The following USF3 variants were observed in gnomAD, a reference collection of about 807,000 sequenced individuals.
USF3 encodes upstream transcription factor family member 3.
In USF3, 29 loss-of-function variants were observed where a neutral mutation model predicts 157.5. The observed-to-expected ratio is 0.18, with a 90% CI of 0.14 to 0.25. The LOEUF is 0.25. USF3 is among the 10% of genes least tolerant of loss of function. The pLI is 1.00. For synonymous variants in USF3, 893 were observed against 941.4 expected, an observed-to-expected ratio of 0.95 and a Z score of 0.94; for missense variants, 2,381 against 2,667.6, an observed-to-expected ratio of 0.89 and a Z score of 2.37.
At position 113,655,002 on chromosome 3, in the gene USF3, T is replaced by C. The variant is rs1413635712; in HGVS notation, c.6680A>G (p.Asn2227Ser). ...SASDSSKQSS[N>S]RPAHNISHIL... ...ATGGCTTATGTTATGGGCAGGTCTGTTTGAGGACTGCTTGGAAGAGTCAGA... is the reference window on the plus strand; with the variant it reads ...ATGGCTTATGTTATGGGCAGGTCTGCTTGAGGACTGCTTGGAAGAGTCAGA... Residue 2227 changes from asparagine to serine, a missense_variant, in exon 7 of 7, where the codon AAC becomes AGC. Transcript: ENST00000316407. 6.2e-7 allele frequency: 1 copy of C among 1,614,130 alleles called. No individual in the cohort carries two copies. The highest frequency in any genetic ancestry group is 1.7e-5 in the Admixed American group (1 of 60,026).
In USF3 at chr3:113,655,374, G is replaced by C; in HGVS notation, c.6308C>G (p.Pro2103Arg). The change falls in exon 7 of 7, where the codon CCG becomes CGG. Residue 2103 changes from proline (P) to arginine (R), a missense_variant. Physicochemically the swap from Pro to Arg is moderately radical, Grantham distance 103. Coordinates refer to ENST00000316407, the MANE Select transcript of USF3 (RefSeq NM_001009899.4). ...ATAGAAGGAGGGCAGAGTATTTTGC[G>C]GATCTACCGGGATGAGGGCTGGAGT... is the stretch of plus-strand genomic sequence containing the variant. ...TRTPALIPVD[P>R]QNTLPSFYPP... 2 of 1,614,048 alleles carry C rather than the reference G, an allele frequency of 1.2e-6. No homozygotes were observed. The highest frequency in any genetic ancestry group is 1.7e-6 in the Non-Finnish European group (2 of 1,179,970).
chr3:113,685,039 A>C (rs968922411), intron 1 of USF3, among the ~76,000 whole-genome samples: 1 of 152,344 alleles, frequency 6.6e-6, no homozygotes, highest in African/African-American at 2.4e-5. Flanking sequence ...TGTAATCTTA[A>C]GTCTTTGGTC....
At position 113,658,546 on chromosome 3, in the gene USF3, G is replaced by C. The variant is rs1947412834; in HGVS notation, c.3136C>G (p.His1046Asp). The C allele has an allele frequency of 6.2e-7, 1 of 1,613,898 alleles. No homozygotes were observed. ...ATCAGTAATAGTTCCTGTTTGGGAT[G>C]TAAATTCACACTTGAATCAACTATT... ...PKIVDSSVNL[H>D]PKQELLLMNN... Residue 1046 changes from histidine to aspartate, a missense_variant, in exon 7 of 7, where the codon CAT (histidine) becomes GAT (aspartate). Physicochemically the swap from His to Asp is moderately conservative, Grantham distance 81. This residue lies in a region of USF3 where 1,435 missense variants were observed against 1,550.9 expected (regional missense o/e 0.93). Coordinates refer to ENST00000316407, the MANE Select transcript of USF3 (RefSeq NM_001009899.4).
chr3:113,695,512 T>A (rs898901474), intron 1 of USF3, among the ~76,000 whole-genome samples: 1 of 152,372 alleles, frequency 6.6e-6, no homozygotes, highest in African/African-American at 2.4e-5. Context: ...AAATGTCTTC[T>A]TTGCCTACAC....
In USF3 at chr3:113,660,595, C is replaced by T; in HGVS notation, c.1087G>A (p.Ala363Thr). 1 of 1,614,208 alleles carries T rather than the reference C, an allele frequency of 6.2e-7. No individual in the cohort carries two copies. The highest frequency in any genetic ancestry group is 2.2e-5 in the East Asian group (1 of 44,888). Reference protein sequence around the residue: ...DSSPMSISKSADLTSTATVVA... With the variant: ...DSSPMSISKSTDLTSTATVVA... ...ACTGTAGCTGTACTTGTCAAGTCTG[C>T]ACTCTTACTAATGCTCATTGGAGAA... The change falls in exon 7 of 7, where the codon GCA (alanine) becomes ACA (threonine). Residue 363 changes from alanine (A) to threonine (T), a missense_variant. Around this residue, in one of 6 missense-constraint regions of USF3, gnomAD observed 1,435 missense variants for 1,550.9 expected, o/e 0.93. Coordinates refer to ENST00000316407, the MANE Select transcript of USF3 (RefSeq NM_001009899.4).
At position 113,656,331 on chromosome 3, in the gene USF3, G is replaced by A. The variant is rs370810362; in HGVS notation, c.5351C>T (p.Pro1784Leu). Residue 1784 changes from proline to leucine, a missense_variant, in exon 7 of 7, where the codon CCA (proline) becomes CTA (leucine). Transcript: ENST00000316407. ...AFRISQNTGPPPIDRQKRLSY... is the reference protein window; with the variant it reads ...AFRISQNTGPLPIDRQKRLSY... Reference sequence around the variant, plus strand: ...TAATCTCTTTTGACGGTCAATTGGTGGGGGGCCAGTGTTTTGACTAATTCG... The same window carrying A: ...TAATCTCTTTTGACGGTCAATTGGTAGGGGGCCAGTGTTTTGACTAATTCG... 1 of 1,614,118 alleles carries A rather than the reference G, an allele frequency of 6.2e-7. No individual in the cohort carries two copies. The highest frequency in any genetic ancestry group is 8.5e-7 in the Non-Finnish European group (1 of 1,179,990).
At chr3:113,663,050 A>G (rs1035856890) in intron 6 of USF3, among the ~76,000 whole-genome samples, 2 of 150,036 alleles carry the variant, frequency 1.3e-5, no homozygotes. Flanking sequence ...TGCTTTGGCT[A>G]CTAGATACAT....
At chr3:113,670,527 G>A (rs1707129075) in intron 4 of USF3, among the ~76,000 whole-genome samples, 1 of 152,014 alleles carries the variant, frequency 6.6e-6, no homozygotes, top group South Asian at 2.1e-4. Flanking sequence ...TGAAACCCGG[G>A]AGATGGAGGC....
At chr3:113,671,398 A>G (rs1473475738) in intron 4 of USF3, among the ~76,000 whole-genome samples, 2 of 152,212 alleles carry the variant, frequency 1.3e-5, no homozygotes, top group South Asian at 4.1e-4. Context: ...TCTGGGATCT[A>G]GACTCTCCAC....
At chr3:113,667,246 A>G (rs925840049) in intron 5 of USF3, among the ~76,000 whole-genome samples, 5 of 152,234 alleles carry the variant, frequency 3.3e-5, no homozygotes, top group African/African-American at 1.2e-4. Context: ...GCAGAACCTG[A>G]TAATTCCCAG....
chr3:113,658,305 A>G lies in USF3; in HGVS notation c.3377T>C (p.Phe1126Ser), dbSNP rs777733845. The G allele has an allele frequency of 2.5e-6, 4 of 1,614,066 alleles. No homozygotes were observed. The highest frequency in any genetic ancestry group is 3.4e-6 in the Non-Finnish European group (4 of 1,180,042). The change falls in exon 7 of 7, where the codon TTT (phenylalanine) becomes TCT (serine). Residue 1126 changes from phenylalanine (F) to serine (S), a missense_variant. Transcript: ENST00000316407. ...AGCTACTATATCAGTTTGCTCTACA[A>G]AGGTACAGCTGTCACATGTATTAGT... Reference protein sequence around the residue: ...ATTNTCDSCTFVEQTDIVALA... With the variant: ...ATTNTCDSCTSVEQTDIVALA...
Position 113,654,893 on chromosome 3 carries a change from C to G in USF3, c.*51G>C, listed in dbSNP as rs1947325025. 1 of 1,558,386 alleles carries G rather than the reference C, an allele frequency of 6.4e-7. No homozygotes were observed. The highest frequency in any genetic ancestry group is 2.3e-5 in the East Asian group (1 of 44,376). On this transcript the variant is annotated 3_prime_UTR_variant, in exon 7 of 7. Coordinates refer to ENST00000316407, the MANE Select transcript of USF3 (RefSeq NM_001009899.4). The stretch of plus-strand genomic sequence containing the variant: ...GTACATGTCTGTGCACATGCACGCA[C>G]AAATACATTTGTAATCTCACTCATT...
rs920086002 is a variant in USF3, at chr3:113,653,862, TGAA to T, written c.*1079_*1081del. ...TCATATTCTCATTATAATTCTGTTATGAAGGATAATAATGAAATATACAATGCC... is the reference window on the plus strand; with the variant it reads ...TCATATTCTCATTATAATTCTGTTATGGATAATAATGAAATATACAATGCC... On this transcript the variant is annotated 3_prime_UTR_variant, in exon 7 of 7. Coordinates refer to ENST00000316407, the MANE Select transcript of USF3 (RefSeq NM_001009899.4). The T allele has an allele frequency of 3.9e-5, 6 of 152,134 alleles. No homozygotes were observed. The highest frequency in any genetic ancestry group is 3.9e-4 in the Admixed American group (6 of 15,270). 9.4% of individuals were successfully genotyped at this position (152,134 alleles called of 1,614,324 possible). A position where few individuals can be genotyped will look rare whatever the true frequency, so the allele number is the denominator to read the frequency against.
intron 4 of USF3, among the ~76,000 whole-genome samples, chr3:113,670,902 C>T (rs1707140617): frequency 6.6e-6 from 1 of 151,960 alleles, no homozygotes; most frequent in African/African-American, 2.4e-5. Flanking sequence ...GCACCATGCC[C>T]AACTATTTTT....
intron 1 of USF3, among the ~76,000 whole-genome samples, chr3:113,680,333 G>A (rs908991678): frequency 6.6e-6 from 1 of 151,974 alleles, no homozygotes; most frequent in African/African-American, 2.4e-5. Flanking sequence ...TTGGTAGGTT[G>A]TATGTGTCTA....
rs925663300 is a variant in USF3, at chr3:113,651,428, G to A, written c.*3516C>T. On this transcript the variant is annotated 3_prime_UTR_variant, in exon 7 of 7. Coordinates refer to ENST00000316407, the MANE Select transcript of USF3 (RefSeq NM_001009899.4). Reference sequence around the variant, plus strand: ...TCCATACATGGTGGGCCCAATAAATGTTTCAAGGCAAAGGAGTAATCATCC... The same window carrying A: ...TCCATACATGGTGGGCCCAATAAATATTTCAAGGCAAAGGAGTAATCATCC... 1.3e-5 allele frequency: 2 copies of A among 152,152 alleles called. No individual in the cohort carries two copies. Among genetic ancestry groups the A allele is most frequent in the African/African-American group, 4.8e-5 (2 of 41,426 alleles). 9.4% of individuals were successfully genotyped at this position (152,152 alleles called of 1,614,324 possible). A position where few individuals can be genotyped will look rare whatever the true frequency, so the allele number is the denominator to read the frequency against.
At chr3:113,692,431 G>A (rs950347546) in intron 1 of USF3, among the ~76,000 whole-genome samples, 3 of 151,992 alleles carry the variant, frequency 2.0e-5, no homozygotes, top group Admixed American at 1.3e-4. Flanking sequence ...AAAATTTCAT[G>A]TTTGTATCCT....
At chr3:113,662,385 G>C (rs1037708622) in intron 6 of USF3, among the ~76,000 whole-genome samples, 1 of 152,152 alleles carries the variant, frequency 6.6e-6, no homozygotes, top group Non-Finnish European at 1.5e-5. Context: ...CACTAATGGG[G>C]CAGGCTTAGC....
At chr3:113,689,995 T>C (rs1218414201) in intron 1 of USF3, among the ~76,000 whole-genome samples, 2 of 152,256 alleles carry the variant, frequency 1.3e-5, no homozygotes, top group Non-Finnish European at 2.9e-5. Context: ...TTTTATGTTT[T>C]TGTAAGAAAG....
Sources: gnomAD v4.1 joint callset for allele counts (sites outside exome capture counted in the v4.1 genomes callset) on GRCh38, gnomAD v4.1.1 for gene constraint, gnomAD v4.1.1 regional missense constraint, MANE v1.5 for transcripts, NCBI Gene and HGNC (gene_info 2026-07-23, HGNC 2026-07-21) for gene names.